WSCD1: variants seen among roughly 807,000 people sequenced by gnomAD.
WSCD1 encodes the protein WSC domain sialate O sulfotransferase 1.
In WSCD1, 41 loss-of-function variants were observed where a neutral mutation model predicts 60.4. The observed-to-expected ratio is 0.68, with a 90% CI of 0.53 to 0.88. WSCD1 has a LOEUF of 0.88. Among genes scored for constraint, WSCD1 ranks in the 40% least tolerant of loss-of-function variants. The pLI is 0.00. For missense variants in WSCD1, 784 were observed against 796.2 expected (o/e 0.98, Z 0.18); for synonymous variants, 361 against 332.5 (o/e 1.09, Z -0.93).
chr17:6,074,747 G>T (rs1394964879), intron 1 of WSCD1, among the ~76,000 whole-genome samples: 1 of 152,242 alleles, frequency 6.6e-6, no homozygotes, highest in Non-Finnish European at 1.5e-5. Context: ...GCGTGAGGGT[G>T]CTTGACGCCT....
chr17:6,070,354 C>G (rs1325647862), upstream of WSCD1: 3 of 147,546 alleles, frequency 2.0e-5, no homozygotes, highest in Non-Finnish European at 4.5e-5. Flanking sequence ...CGGCCGCTGT[C>G]CCCGGGCCGC....
At chr17:6,082,314 A>G (rs1213951940) in intron 2 of WSCD1, among the ~76,000 whole-genome samples, 1 of 152,106 alleles carries the variant, frequency 6.6e-6, no homozygotes, top group African/African-American at 2.4e-5. Flanking sequence ...CAGGGAAGGG[A>G]AGGCAGCCAG....
Position 6,080,853 on chromosome 17 carries a change from C to T in WSCD1, c.195C>T (p.Gly65=), listed in dbSNP as rs776090157. The T allele has an allele frequency of 1.2e-6, 2 of 1,606,420 alleles. No individual in the cohort carries two copies. The highest frequency in any genetic ancestry group is 2.2e-5 in the East Asian group (1 of 44,714). Residue 65 remains glycine, a synonymous_variant, in exon 2 of 9, where the codon GGC becomes GGT. Transcript: ENST00000317744. The surrounding 1 kb of genome is among the most constrained non-coding windows in gnomAD (Gnocchi z 6.6). ...TGGCCGCCGTGGCGCTGGGCGTGGG[C>T]TTGCTGGACAGCAGAGCCCTGCACG... ...LPVAAVALGV[G]LLDSRALHDP... is the part of the protein sequence containing the mutation.
chr17:6,080,916 C>T lies in WSCD1; in HGVS notation c.258C>T (p.Asp86=), dbSNP rs374383249. 1.9e-5 allele frequency: 30 copies of T among 1,594,352 alleles called. No individual in the cohort carries two copies. The highest frequency in any genetic ancestry group is 1.0e-4 in the Admixed American group (6 of 58,134). The part of the protein sequence containing the change: ...RVSPELLLGV[D]MLQSPLTRPR... ...GCCCAGAGCTGCTGCTGGGTGTGGA[C>T]ATGCTGCAGAGCCCCCTGACCCGGC... Residue 86 remains aspartate (D), a synonymous_variant, in exon 2 of 9, where the codon GAC becomes GAT. Coordinates refer to ENST00000317744, the MANE Select transcript of WSCD1 (RefSeq NM_015253.2). The surrounding 1 kb of genome is among the most constrained non-coding windows in gnomAD (Gnocchi z 6.6).
At chr17:6,072,334 C>T (rs1323863328) in intron 1 of WSCD1, among the ~76,000 whole-genome samples, 1 of 152,198 alleles carries the variant, frequency 6.6e-6, no homozygotes, top group Non-Finnish European at 1.5e-5. Context: ...GGCCAGAGCA[C>T]TGGGGAATGA....
At chr17:6,105,217 C>T (rs536378757) in intron 5 of WSCD1, among the ~76,000 whole-genome samples, 2 of 152,278 alleles carry the variant, frequency 1.3e-5, no homozygotes, top group East Asian at 1.9e-4. Flanking sequence ...GCGTCCAGAC[C>T]GACCCAGGCT....
intron 5 of WSCD1, 80 bp downstream of exon 5, chr17:6,095,303 G>A (rs1910350443): frequency 1.3e-6 from 2 of 1,482,336 alleles, no homozygotes; most frequent in East Asian, 2.6e-5. Flanking sequence ...CATGTGCTGG[G>A]CTGCGGGTGT....
chr17:6,105,570 G>T lies in WSCD1; in HGVS notation c.850-4037G>T, dbSNP rs150053608. ...TGTGTTTTCAGAATCCAGTGATGTTGCTGGAGCGGTGATGTTGTAAATAAA... is the reference window on the plus strand; with the variant it reads ...TGTGTTTTCAGAATCCAGTGATGTTTCTGGAGCGGTGATGTTGTAAATAAA... On this transcript the variant is annotated intron_variant, in intron 5 of 8. Transcript: ENST00000317744. Among the ~76,000 whole-genome samples the T allele has an allele frequency of 7.9e-4, 120 of 152,304 alleles. No homozygotes were observed. In the East Asian group the frequency reaches 0.019, roughly 25 times the overall value.
intron 2 of WSCD1, among the ~76,000 whole-genome samples, chr17:6,082,571 G>T (rs1433101451): frequency 1.3e-5 from 2 of 152,218 alleles, no homozygotes; most frequent in Non-Finnish European, 2.9e-5. Context: ...TGCAGCAAAT[G>T]TGCCTGGTGC....
chr17:6,105,901 G>A (rs544863450), intron 5 of WSCD1, among the ~76,000 whole-genome samples: 46 of 152,294 alleles, frequency 3.0e-4, no homozygotes, highest in African/African-American at 1.1e-3. Context: ...TAGAGATAGC[G>A]GCTTTTCTTT....
At chr17:6,089,221 CG>C (rs1909865060) in intron 3 of WSCD1, among the ~76,000 whole-genome samples, 1 of 152,154 alleles carries the variant, frequency 6.6e-6, no homozygotes, top group African/African-American at 2.4e-5. Flanking sequence ...GGTCTAGATA[CG>C]GTGGAAACAG....
intron 5 of WSCD1, among the ~76,000 whole-genome samples, chr17:6,103,919 A>G (rs1238483877): frequency 3.3e-5 from 5 of 152,108 alleles, no homozygotes; most frequent in Non-Finnish European, 7.4e-5. Flanking sequence ...ATTTAAACTC[A>G]CACCTATAGA....
upstream of WSCD1, chr17:6,069,421 GTGT>G: frequency 3.1e-6 from 1 of 319,912 alleles, no homozygotes; most frequent in East Asian, 4.0e-5. Flanking sequence ...GTGTGTGTGT[GTGT>G]GTGTGAGAGA....
chr17:6,089,832 G>A (rs1909904957), intron 3 of WSCD1, among the ~76,000 whole-genome samples: 1 of 152,182 alleles, frequency 6.6e-6, no homozygotes, highest in Non-Finnish European at 1.5e-5. Context: ...AGGGACCAAC[G>A]GGGCTGGTTC....
chr17:6,070,954 A>G (rs1743111280), intron 1 of WSCD1, among the ~76,000 whole-genome samples: 1 of 151,678 alleles, frequency 6.6e-6, no homozygotes, highest in Non-Finnish European at 1.5e-5. Context: ...CCCCCTCCGG[A>G]GTCCTGAGAG....
chr17:6,093,313 C>G (rs1157185113), intron 4 of WSCD1, among the ~76,000 whole-genome samples: 6 of 152,226 alleles, frequency 3.9e-5, no homozygotes, highest in African/African-American at 9.6e-5. Context: ...TCAGTTCATT[C>G]GTTCGCTCAC....
upstream of WSCD1, chr17:6,069,336 G>A: frequency 2.5e-6 from 1 of 398,752 alleles, no homozygotes; most frequent in Admixed American, 4.4e-5. Flanking sequence ...TTTATTTAAA[G>A]AGGGGGATTG....
In WSCD1 at chr17:6,110,598, A is replaced by G. The variant is rs1911354795; in HGVS notation, c.1010-173A>G. On this transcript the variant is annotated intron_variant, in intron 6 of 8. Transcript: ENST00000317744. This position sits in a 1 kb window ranked among gnomAD's most constrained non-coding sequence, Gnocchi z 4.8. The stretch of plus-strand genomic sequence containing the variant: ...ATTACGGGGCTTTCTCGGACTGGCC[A>G]CAGACCTGTGCAGCTAAGGTATATT... Among the ~76,000 whole-genome samples, 1 of 152,192 alleles carries G rather than the reference A, an allele frequency of 6.6e-6. No individual in the cohort carries two copies. The highest frequency in any genetic ancestry group is 1.5e-5 in the Non-Finnish European group (1 of 68,032).
chr17:6,080,735 A>C lies in WSCD1; in HGVS notation c.77A>C (p.Tyr26Ser), dbSNP rs1597351128. ...CTGCTGTTCTTCCTCACGGCTGCCT[A>C]CCTGATGACCGGCAGCCTGCTGCTG... ...QFLLFFLTAA[Y>S]LMTGSLLLLQ... The change falls in exon 2 of 9, where the codon TAC becomes TCC. Residue 26 changes from tyrosine to serine, a missense_variant. By Grantham distance (144) the Tyr-to-Ser change is moderately radical (BLOSUM62 -2). Coordinates refer to ENST00000317744, the MANE Select transcript of WSCD1 (RefSeq NM_015253.2). This position sits in a 1 kb window ranked among gnomAD's most constrained non-coding sequence, Gnocchi z 6.6. 4 of 1,612,942 alleles carry C rather than the reference A, an allele frequency of 2.5e-6. No individual in the cohort carries two copies. Among genetic ancestry groups the C allele is most frequent in the Non-Finnish European group, 3.4e-6 (4 of 1,179,828 alleles).
Sources: allele counts gnomAD v4.1 joint callset (sites outside exome capture counted in the v4.1 genomes callset), GRCh38; gene constraint gnomAD v4.1.1; non-coding constraint Gnocchi (gnomAD v3.1); transcripts MANE v1.5; gene names NCBI Gene and HGNC (gene_info 2026-07-23, HGNC 2026-07-21).